Variants in PPM1L observed in about 807,000 individuals in gnomAD.
PPM1L encodes the protein protein phosphatase 1L.
In PPM1L, 13 loss-of-function variants were observed where a neutral mutation model predicts 31.4. That is an observed-to-expected ratio of 0.41 (90% CI 0.27 to 0.66). PPM1L has a LOEUF of 0.66. Ranked by LOEUF, PPM1L falls within the 30% of genes least tolerant of loss-of-function variation. The probability of loss-of-function intolerance (pLI) is 0.29; values close to 1 mark genes in which losing one functional copy is unlikely to be tolerated. For synonymous variants in PPM1L, 184 were observed against 175.4 expected, an observed-to-expected ratio of 1.05 and a Z score of -0.39; for missense variants, 326 against 453.7, an observed-to-expected ratio of 0.72 and a Z score of 2.56.
chr3:160,824,309 C>A (rs1317859990), intron 1 of PPM1L, among the ~76,000 whole-genome samples: 1 of 152,128 alleles, frequency 6.6e-6, no homozygotes, highest in Non-Finnish European at 1.5e-5. Context: ...AGATCTTGGA[C>A]TTCCAGCCAC....
In PPM1L at chr3:160,785,542, A is replaced by G. The variant is rs1012779532; in HGVS notation, c.399+28835A>G. 3.9e-5 allele frequency among the ~76,000 whole-genome samples: 6 copies of G among 152,118 alleles called. No homozygotes were observed. In the East Asian group the frequency reaches 5.8e-4, roughly 15 times the overall value. On this transcript the variant is annotated intron_variant, in intron 1 of 3. Transcript: ENST00000498165. ...ACTGTCATTATCTGTTTTCTGTTGC[A>G]TCTTTTGAGCAATATTTTAGGCATG...
intron 2 of PPM1L, among the ~76,000 whole-genome samples, chr3:161,022,633 G>T (rs1390017372): frequency 1.4e-5 from 2 of 143,770 alleles, no homozygotes; most frequent in Non-Finnish European, 3.1e-5. Context: ...GTTTTTATCT[G>T]AATAACTTAC....
At chr3:161,065,638 T>C in intron 3 of PPM1L, 74 bp downstream of exon 3, 13 of 1,425,048 alleles carry the variant, frequency 9.1e-6, no homozygotes, top group Non-Finnish European at 1.3e-5. Context: ...GGAGAGCTCC[T>C]GGATAAAATG....
chr3:160,776,068 T>A (rs1005031345), intron 1 of PPM1L, among the ~76,000 whole-genome samples: 30 of 152,222 alleles, frequency 2.0e-4, no homozygotes. Context: ...CTTTATCTAA[T>A]ATCTCTCTCA....
At chr3:160,986,135 G>C (rs1576763447) in intron 2 of PPM1L, among the ~76,000 whole-genome samples, 1 of 152,332 alleles carries the variant, frequency 6.6e-6, no homozygotes, top group Admixed American at 6.5e-5. Flanking sequence ...CTCAGTGAGA[G>C]TTCAGGCTGT....
intron 2 of PPM1L, among the ~76,000 whole-genome samples, chr3:161,029,922 C>CA (rs1718511641): frequency 6.6e-6 from 1 of 152,184 alleles, no homozygotes; most frequent in Non-Finnish European, 1.5e-5. Flanking sequence ...CTGCCACCAC[C>CA]ACCACCCTAC....
rs114407895 is a variant in PPM1L at position 160,824,825 on chromosome 3, T to G, written c.399+68118T>G. Among the ~76,000 whole-genome samples, 1,072 of 152,318 alleles carry G rather than the reference T, an allele frequency of 7.0e-3. 12 individuals are homozygous for G. The highest frequency in any genetic ancestry group is 0.025 in the African/African-American group (1,037 of 41,586). On this transcript the variant is annotated intron_variant, in intron 1 of 3. Transcript: ENST00000498165. ...TTTTTAAAACTGTATCTTCTAAGAT[T>G]CATGCCTTATATATGTATGTACTTT... is the stretch of plus-strand genomic sequence containing the variant.
chr3:160,768,833 G>A (rs1185941838), intron 1 of PPM1L, among the ~76,000 whole-genome samples: 2 of 152,166 alleles, frequency 1.3e-5, no homozygotes, highest in African/African-American at 4.8e-5. Context: ...AGGCCCAAAA[G>A]AGGCTTTTGA....
chr3:160,936,911 A>T (rs372979150), intron 1 of PPM1L, among the ~76,000 whole-genome samples: 1 of 152,222 alleles, frequency 6.6e-6, no homozygotes, highest in Non-Finnish European at 1.5e-5. Context: ...TTTCACTTGA[A>T]AAAACCAATC....
chr3:161,011,337 T>C (rs1717887306), intron 2 of PPM1L, among the ~76,000 whole-genome samples: 1 of 152,118 alleles, frequency 6.6e-6, no homozygotes, highest in South Asian at 2.1e-4. Flanking sequence ...AGATGTGTGG[T>C]ATTATTTCTG....
intron 1 of PPM1L, among the ~76,000 whole-genome samples, chr3:160,903,180 T>TGTGTGTGG: frequency 7.2e-6 from 1 of 139,588 alleles, no homozygotes; most frequent in Non-Finnish European, 1.5e-5. Context: ...TGTGTGTGTG[T>TGTGTGTGG]GTGTGTGTGT....
intron 2 of PPM1L, among the ~76,000 whole-genome samples, chr3:161,026,993 A>G (rs979370663): frequency 2.2e-4 from 34 of 152,142 alleles, no homozygotes; most frequent in African/African-American, 8.0e-4. Context: ...GAAACTTACT[A>G]CCTTGGATCT....
At chr3:160,975,678 T>G (rs1337408201) in intron 2 of PPM1L, among the ~76,000 whole-genome samples, 1 of 152,200 alleles carries the variant, frequency 6.6e-6, no homozygotes, top group African/African-American at 2.4e-5. Context: ...TCTGTTTGTC[T>G]GTTGTTAGTG....
chr3:161,065,224 G>A (rs1159693540), intron 2 of PPM1L, among the ~76,000 whole-genome samples, 179 bp from the exon 3 acceptor site: 2 of 152,136 alleles, frequency 1.3e-5, no homozygotes, highest in East Asian at 3.9e-4. Flanking sequence ...TAAGAAAATT[G>A]ACTGTCAGAT....
At chr3:160,928,146 C>G (rs4679667) in intron 1 of PPM1L, among the ~76,000 whole-genome samples, 132,460 of 152,250 alleles carry the variant, frequency 0.87, 57,856 homozygotes, top group Middle Eastern at 0.93. Context: ...GATGATCTGG[C>G]TTCCATAGAC....
chr3:160,977,400 G>A (rs1242327230), intron 2 of PPM1L, among the ~76,000 whole-genome samples: 12 of 152,292 alleles, frequency 7.9e-5, no homozygotes, highest in East Asian at 1.9e-4. Flanking sequence ...GCTACGTGCC[G>A]AGAGTCTAAG....
At chr3:160,823,874 C>A (rs1713277686) in intron 1 of PPM1L, among the ~76,000 whole-genome samples, 1 of 152,102 alleles carries the variant, frequency 6.6e-6, no homozygotes, top group South Asian at 2.1e-4. Flanking sequence ...GACAAGAATG[C>A]TGTTCAGTAT....
intron 2 of PPM1L, among the ~76,000 whole-genome samples, chr3:160,993,301 C>T (rs1717194757): frequency 6.6e-6 from 1 of 152,240 alleles, no homozygotes; most frequent in South Asian, 2.1e-4. Context: ...ATGTCAACAA[C>T]TATATGAATT....
intron 2 of PPM1L, among the ~76,000 whole-genome samples, chr3:161,056,258 G>A (rs1050780595): frequency 2.0e-5 from 3 of 152,050 alleles, no homozygotes; most frequent in Admixed American, 6.5e-5. Flanking sequence ...AGACACTGAT[G>A]GACAGTCATT....
Sources: gnomAD v4.1 joint callset for allele counts (sites outside exome capture counted in the v4.1 genomes callset) on GRCh38, gnomAD v4.1.1 for gene constraint, MANE v1.5 for transcripts, NCBI Gene and HGNC (gene_info 2026-07-23, HGNC 2026-07-21) for gene names.